Variants in CA10 observed in about 807,000 individuals in gnomAD.
CA10 encodes the protein carbonic anhydrase 10 (inactive).
CA10 carries 14 observed loss-of-function variants against 44.2 expected under a neutral mutation model. The observed-to-expected ratio is 0.32, with a 90% CI of 0.21 to 0.50. CA10 has a LOEUF of 0.50. Among genes scored for constraint, CA10 ranks in the 20% least tolerant of loss-of-function variants. The pLI is 0.99. For missense variants in CA10, 350 were observed against 409.7 expected, an observed-to-expected ratio of 0.85 and a Z score of 1.26; for synonymous variants, 159 against 141.6, an observed-to-expected ratio of 1.12 and a Z score of -0.87.
At chr17:51,888,530 A>T (rs753111186) in intron 3 of CA10, among the ~76,000 whole-genome samples, 4 of 152,244 alleles carry the variant, frequency 2.6e-5, no homozygotes, top group Non-Finnish European at 5.9e-5. Context: ...TCAAATGTCA[A>T]AATACCTATC....
chr17:52,155,454 T>C (rs1359485196), intron 1 of CA10, among the ~76,000 whole-genome samples: 1 of 152,172 alleles, frequency 6.6e-6, no homozygotes, highest in Non-Finnish European at 1.5e-5. Flanking sequence ...ATCCTAAGGC[T>C]GCCAGATGGA....
intron 2 of CA10, among the ~76,000 whole-genome samples, chr17:52,036,524 A>C (rs1986622798): frequency 6.6e-6 from 1 of 152,150 alleles, no homozygotes; most frequent in South Asian, 2.1e-4. Flanking sequence ...TTGAAGAATA[A>C]ATAGTCATCC....
chr17:51,886,079 A>C (rs1011775184), intron 3 of CA10, among the ~76,000 whole-genome samples: 14 of 152,212 alleles, frequency 9.2e-5, no homozygotes, highest in Non-Finnish European at 1.9e-4. Context: ...TCAGGAGGAC[A>C]AAAAACTGGA....
At chr17:51,995,116 G>A (rs1985186418) in intron 2 of CA10, among the ~76,000 whole-genome samples, 1 of 151,912 alleles carries the variant, frequency 6.6e-6, no homozygotes, top group African/African-American at 2.4e-5. Context: ...AGAAGAAAGA[G>A]AATAAAACTG....
At chr17:51,894,748 A>C in intron 3 of CA10, among the ~76,000 whole-genome samples, 1 of 152,134 alleles carries the variant, frequency 6.6e-6, no homozygotes, top group East Asian at 1.9e-4. Flanking sequence ...GTAGTCACTA[A>C]GTTTGTGGTA....
chr17:51,961,256 C>G (rs931305281), intron 2 of CA10, among the ~76,000 whole-genome samples: 1 of 151,716 alleles, frequency 6.6e-6, no homozygotes, highest in African/African-American at 2.4e-5. Flanking sequence ...CTGACTGATA[C>G]ACCTCATATT....
At chr17:51,874,069 G>C (rs1184583921) in intron 3 of CA10, among the ~76,000 whole-genome samples, 1 of 152,162 alleles carries the variant, frequency 6.6e-6, no homozygotes, top group Non-Finnish European at 1.5e-5. Context: ...AGTTAACTAT[G>C]GCTTTTAATC....
At chr17:51,806,603 G>A (rs1337354260) in intron 3 of CA10, among the ~76,000 whole-genome samples, 1 of 152,144 alleles carries the variant, frequency 6.6e-6, no homozygotes, top group Non-Finnish European at 1.5e-5. Flanking sequence ...ACAGTAACAG[G>A]TGTTCAGGAA....
At chr17:51,973,305 C>T (rs1298197469) in intron 2 of CA10, among the ~76,000 whole-genome samples, 6 of 152,158 alleles carry the variant, frequency 3.9e-5, no homozygotes, top group African/African-American at 1.4e-4. Flanking sequence ...CAAGGAGGAG[C>T]ATTCTCAGCT....
intron 6 of CA10, among the ~76,000 whole-genome samples, chr17:51,638,157 C>T (rs906561551): frequency 6.6e-6 from 1 of 152,178 alleles, no homozygotes; most frequent in Non-Finnish European, 1.5e-5. Context: ...TTCAGTGTTG[C>T]TTTGTCAATT....
intron 2 of CA10, among the ~76,000 whole-genome samples, chr17:52,013,145 G>A (rs1307757465): frequency 1.3e-5 from 2 of 151,822 alleles, no homozygotes; most frequent in Non-Finnish European, 2.9e-5. Context: ...TCCTCACAAG[G>A]AACTTCCACA....
intron 4 of CA10, among the ~76,000 whole-genome samples, chr17:51,688,821 T>C (rs906667975): frequency 2.6e-5 from 4 of 152,322 alleles, no homozygotes; most frequent in Middle Eastern, 3.4e-3. Context: ...ATAGCACTTA[T>C]CATGTGTATT....
At chr17:51,739,456 G>A (rs111947141) in intron 4 of CA10, among the ~76,000 whole-genome samples, 2,826 of 152,084 alleles carry the variant, frequency 0.019, 111 homozygotes, top group African/African-American at 0.065. Flanking sequence ...CCTTTCTTCC[G>A]ATGAAGCATC....
At chr17:52,082,953 G>A (rs748790666) in intron 1 of CA10, among the ~76,000 whole-genome samples, 2 of 152,108 alleles carry the variant, frequency 1.3e-5, no homozygotes, top group East Asian at 1.9e-4. Flanking sequence ...GTAGTAGAGT[G>A]TATTTATGTT....
At chr17:51,822,298 A>G (rs1907838277) in intron 3 of CA10, among the ~76,000 whole-genome samples, 2 of 151,950 alleles carry the variant, frequency 1.3e-5, no homozygotes, top group Non-Finnish European at 2.9e-5. Flanking sequence ...TGTGCCTGTA[A>G]TCCCAGCTAC....
At chr17:51,956,490 A>G (rs1983668856) in intron 2 of CA10, among the ~76,000 whole-genome samples, 1 of 152,198 alleles carries the variant, frequency 6.6e-6, no homozygotes, top group South Asian at 2.1e-4. Flanking sequence ...ATAGTATTTT[A>G]TTGTGTGGAT....
chr17:51,772,406 G>T (rs1031790584), intron 3 of CA10, among the ~76,000 whole-genome samples: 4 of 151,824 alleles, frequency 2.6e-5, no homozygotes, highest in Non-Finnish European at 5.9e-5. Flanking sequence ...ATGATACGAA[G>T]CAAAAAAAAG....
At chr17:51,875,022 A>C (rs1443575258) in intron 3 of CA10, among the ~76,000 whole-genome samples, 2 of 142,198 alleles carry the variant, frequency 1.4e-5, no homozygotes, top group Non-Finnish European at 3.0e-5. Context: ...TTTGTTGCCC[A>C]GGCTGGAGTG....
At chr17:51,797,032 G>A (rs1906735817) in intron 3 of CA10, among the ~76,000 whole-genome samples, 1 of 152,038 alleles carries the variant, frequency 6.6e-6, no homozygotes, top group Admixed American at 6.6e-5. Flanking sequence ...TAGATTTCTA[G>A]CCACAGACCA....
Sources: gnomAD v4.1 joint callset for allele counts (sites outside exome capture counted in the v4.1 genomes callset) on GRCh38, gnomAD v4.1.1 for gene constraint, MANE v1.5 for transcripts, NCBI Gene and HGNC (gene_info 2026-07-23, HGNC 2026-07-21) for gene names.